The following TK2 variants were observed in gnomAD, a reference collection of about 807,000 sequenced individuals.
The protein encoded by TK2 is thymidine kinase 2, mitochondrial.
A neutral mutation model predicts 41.9 loss-of-function variants in TK2; 35 were observed. The ratio of observed to expected loss-of-function variants is 0.84; its 90% CI spans 0.64 to 1.11. The LOEUF (loss-of-function observed/expected upper bound fraction) is 1.11. TK2 is among the 50% of genes least tolerant of loss of function. The pLI, the probability that TK2 is intolerant of heterozygous loss-of-function variation, is 0.00. For missense variants in TK2, 320 were observed against 351.1 expected (o/e 0.91, Z 0.71); for synonymous variants, 128 against 129.1 (o/e 0.99, Z 0.06).
At chr16:66,513,888 G>T (rs757479677) in intron 8 of TK2, 77 bp from the exon 9 acceptor site, 2 of 1,241,146 alleles carry the variant, frequency 1.6e-6, no homozygotes, top group Non-Finnish European at 2.4e-6. Context: ...AGCAGAGGGG[G>T]TCAAAGTAGT....
At chr16:66,520,209 C>T (rs571183819) in intron 6 of TK2, among the ~76,000 whole-genome samples, 2 of 152,284 alleles carry the variant, frequency 1.3e-5, no homozygotes, top group East Asian at 3.9e-4. Context: ...TACAGCATTG[C>T]AGAGGGGACT....
chr16:66,533,885 G>A (rs369307690), intron 4 of TK2, among the ~76,000 whole-genome samples: 3 of 151,598 alleles, frequency 2.0e-5, no homozygotes, highest in African/African-American at 7.3e-5. Context: ...GTGGGCGCCT[G>A]TAGTCCCAGC....
At chr16:66,547,697 A>C (rs1239315082) in intron 2 of TK2, among the ~76,000 whole-genome samples, 1 of 148,374 alleles carries the variant, frequency 6.7e-6, no homozygotes, top group Non-Finnish European at 1.5e-5. Context: ...CATCAGACAA[A>C]CCTCCCCCAT....
At position 66,510,753 on chromosome 16, in the gene TK2, A is replaced by G. The variant is rs1163969912; in HGVS notation, c.*1215T>C. 1 of 152,232 alleles carries G rather than the reference A, an allele frequency of 6.6e-6. No homozygotes were observed. The highest frequency in any genetic ancestry group is 2.4e-5 in the African/African-American group (1 of 41,454). 9.4% of individuals were successfully genotyped at this position (152,232 alleles called of 1,614,324 possible). A position where few individuals can be genotyped will look rare whatever the true frequency, so the allele number is the denominator to read the frequency against. The stretch of plus-strand genomic sequence containing the variant: ...AAGCTTCAGGACCAGCAATGCTTCC[A>G]GAGCCTTTATTTGCAAATCCCAACT... On this transcript the variant is annotated 3_prime_UTR_variant, in exon 10 of 10. Transcript: ENST00000544898.
chr16:66,540,247 A>C (rs546527096), intron 3 of TK2, among the ~76,000 whole-genome samples: 1 of 142,214 alleles, frequency 7.0e-6, no homozygotes, highest in South Asian at 2.2e-4. Context: ...GTCCTGGCTC[A>C]CCACAGCCTC....
At chr16:66,541,787 A>G in intron 3 of TK2, 92 bp downstream of exon 3, 1 of 1,349,408 alleles carries the variant, frequency 7.4e-7, no homozygotes, top group Non-Finnish European at 1.1e-6. Context: ...GGCTCAAATT[A>G]TAGTCCTATT....
intron 2 of TK2, 122 bp from the exon 3 acceptor site, chr16:66,542,075 T>C (rs1965474665): frequency 1.9e-6 from 2 of 1,041,598 alleles, no homozygotes; most frequent in Non-Finnish European, 3.0e-6. Context: ...GACTTTCACA[T>C]GTAAACCAAA....
chr16:66,549,880 G>A, intron 1 of TK2, 58 bp downstream of exon 1: 1 of 1,299,642 alleles, frequency 7.7e-7, no homozygotes. Context: ...AAGCCGAGGG[G>A]CCGGGAGTAG....
At chr16:66,512,546 C>T (rs1293137953) in intron 9 of TK2, among the ~76,000 whole-genome samples, 1 of 152,166 alleles carries the variant, frequency 6.6e-6, no homozygotes, top group Non-Finnish European at 1.5e-5. Flanking sequence ...TTTTGGGAGG[C>T]CGAGGCAGGC....
Position 66,509,419 on chromosome 16 carries a change from C to G in TK2, c.*2549G>C, listed in dbSNP as rs2144323716. 6.6e-6 allele frequency: 1 copy of G among 151,288 alleles called. No homozygotes were observed. The highest frequency in any genetic ancestry group is 3.4e-3 in the Middle Eastern group (1 of 294). The allele number at this position is 151,288 out of a possible 1,614,324, so 9.4% of individuals were successfully genotyped here. On this transcript the variant is annotated 3_prime_UTR_variant, in exon 10 of 10. Transcript: ENST00000544898. ...GATAAATATATTTCTATCTAGTTTC[C>G]AAAAAAAACCAGGTACATAAGGTAT...
intron 4 of TK2, among the ~76,000 whole-genome samples, chr16:66,535,731 T>C (rs558547278): frequency 6.6e-6 from 1 of 152,358 alleles, no homozygotes; most frequent in East Asian, 1.9e-4. Flanking sequence ...GTCTGCCACA[T>C]GGCTGACATG....
intron 6 of TK2, among the ~76,000 whole-genome samples, chr16:66,521,133 C>T (rs1964767491): frequency 6.6e-6 from 1 of 152,194 alleles, no homozygotes; most frequent in Non-Finnish European, 1.5e-5. Flanking sequence ...GGAGGGTGCC[C>T]ACAGATATGA....
At chr16:66,522,974 C>T (rs1369766965) in intron 6 of TK2, among the ~76,000 whole-genome samples, 2 of 152,266 alleles carry the variant, frequency 1.3e-5, no homozygotes, top group Non-Finnish European at 2.9e-5. Context: ...ACTGCAGTTA[C>T]ATTCTGCACA....
intron 6 of TK2, among the ~76,000 whole-genome samples, chr16:66,528,662 CAGA>C (rs1452898524): frequency 6.6e-6 from 1 of 152,182 alleles, no homozygotes; most frequent in Non-Finnish European, 1.5e-5. Flanking sequence ...TTGCTGGTCC[CAGA>C]AGGAGAGTGA....
At position 66,517,778 on chromosome 16, in the gene TK2, G is replaced by A. The variant is rs758102149; in HGVS notation, c.538+11C>T. 1.2e-6 allele frequency: 2 copies of A among 1,611,712 alleles called. No homozygotes were observed. The highest frequency in any genetic ancestry group is 2.2e-5 in the East Asian group (1 of 44,826). On this transcript the variant is annotated intron_variant, in intron 7 of 9. Transcript: ENST00000544898. This position sits in a 1 kb window ranked among gnomAD's most constrained non-coding sequence, Gnocchi z 4.3. ...GAGACAAGAGAGGGAGGTGGGAGGGGTGCATCTCACCTATCAAATCAACAG... is the reference window on the plus strand; with the variant it reads ...GAGACAAGAGAGGGAGGTGGGAGGGATGCATCTCACCTATCAAATCAACAG...
chr16:66,534,746 T>G (rs368166743), intron 4 of TK2, among the ~76,000 whole-genome samples: 6 of 152,360 alleles, frequency 3.9e-5, no homozygotes, highest in Admixed American at 6.5e-5. Context: ...ACCCACCTAC[T>G]CAATCACTCT....
intron 6 of TK2, among the ~76,000 whole-genome samples, chr16:66,528,589 T>C (rs1233994571): frequency 6.6e-6 from 1 of 152,204 alleles, no homozygotes; most frequent in Non-Finnish European, 1.5e-5. Context: ...GAAAAATATG[T>C]CCTTGCATCT....
intron 6 of TK2, among the ~76,000 whole-genome samples, chr16:66,523,690 G>C (rs577223968): frequency 1.3e-5 from 2 of 152,018 alleles, no homozygotes; most frequent in Non-Finnish European, 2.9e-5. Flanking sequence ...TGAGCCAGGC[G>C]TGGTGGTGGG....
intron 3 of TK2, among the ~76,000 whole-genome samples, chr16:66,540,469 G>C (rs1965425890): frequency 6.6e-6 from 1 of 151,884 alleles, no homozygotes; most frequent in African/African-American, 2.4e-5. Context: ...CACCACACCT[G>C]GCCATGCATA....
Sources: gnomAD v4.1 joint callset for allele counts (sites outside exome capture counted in the v4.1 genomes callset) on GRCh38, gnomAD v4.1.1 for gene constraint, Gnocchi (gnomAD v3.1) non-coding constraint, MANE v1.5 for transcripts, NCBI Gene and HGNC (gene_info 2026-07-23, HGNC 2026-07-21) for gene names.